HTRA3: variants seen among roughly 807,000 people sequenced by gnomAD.
The protein encoded by HTRA3 is serine protease HTRA3.
A neutral mutation model predicts 43.2 loss-of-function variants in HTRA3; 41 were observed. The observed-to-expected ratio is 0.95, with a 90% CI of 0.74 to 1.23. The LOEUF (loss-of-function observed/expected upper bound fraction) is 1.23. HTRA3 is among the 50% of genes most tolerant of loss of function. The pLI is 0.00. For synonymous variants in HTRA3, 295 were observed against 287.9 expected (o/e 1.02, Z -0.25); for missense variants, 628 against 647.1 (o/e 0.97, Z 0.32).
At position 8,291,406 on chromosome 4, in the gene HTRA3, G is replaced by T; in HGVS notation, c.745G>T (p.Asp249Tyr). ...TGTGTTGTTGCTGGGTCACTCGGCCGACCTGCGGCCTGGGGAGTTTGTGGT... is the reference window on the plus strand; with the variant it reads ...TGTGTTGTTGCTGGGTCACTCGGCCTACCTGCGGCCTGGGGAGTTTGTGGT... ...LPVLLLGHSA[D>Y]LRPGEFVVAI... Residue 249 changes from aspartate (D) to tyrosine (Y), a missense_variant, in exon 4 of 9, where the codon GAC becomes TAC. By Grantham distance (160) the Asp-to-Tyr change is radical. Coordinates refer to ENST00000307358, the MANE Select transcript of HTRA3 (RefSeq NM_053044.5). 6.2e-7 allele frequency: 1 copy of T among 1,613,542 alleles called. No individual in the cohort carries two copies. Among genetic ancestry groups the T allele is most frequent in the Non-Finnish European group, 8.5e-7 (1 of 1,180,016 alleles).
At chr4:8,301,231 TTTATTA>T (rs199779209) in intron 6 of HTRA3, among the ~76,000 whole-genome samples, 11 of 149,260 alleles carry the variant, frequency 7.4e-5, no homozygotes, top group African/African-American at 2.5e-4. Context: ...CACAGACATC[TTTATTA>T]TTGATTCACA....
At chr4:8,304,701 C>A (rs4696804) in intron 8 of HTRA3, among the ~76,000 whole-genome samples, 49,959 of 135,934 alleles carry the variant, frequency 0.37, 9,434 homozygotes, top group East Asian at 0.69. Context: ...TGTTGCCCAG[C>A]CTGGAGTGCA....
At chr4:8,290,965 A>C (rs937905180) in intron 3 of HTRA3, among the ~76,000 whole-genome samples, 2 of 152,246 alleles carry the variant, frequency 1.3e-5, no homozygotes, top group African/African-American at 4.8e-5. Context: ...TCTCTCCATC[A>C]AATGCATCAG....
At chr4:8,305,375 G>C (rs1016904747) in intron 8 of HTRA3, among the ~76,000 whole-genome samples, 2 of 152,266 alleles carry the variant, frequency 1.3e-5, no homozygotes, top group Non-Finnish European at 1.5e-5. Context: ...AGCCAGGGAG[G>C]TGCAGGCTCC....
chr4:8,294,777 T>A (rs1713394804), intron 6 of HTRA3, among the ~76,000 whole-genome samples: 2 of 16,126 alleles, frequency 1.2e-4, no homozygotes, highest in South Asian at 3.5e-3. Flanking sequence ...CACCTATCCA[T>A]CCATCCATCC....
chr4:8,282,970 C>T (rs558308058), intron 2 of HTRA3, among the ~76,000 whole-genome samples: 13 of 152,186 alleles, frequency 8.5e-5, no homozygotes, highest in Non-Finnish European at 1.3e-4. Flanking sequence ...ACCGGGGGCT[C>T]GGGAGGCCTC....
In HTRA3 at chr4:8,273,372, C is replaced by T. The variant is rs1248693821; in HGVS notation, c.385+3019C>T. On this transcript the variant is annotated intron_variant, in intron 1 of 8. Coordinates refer to ENST00000307358, the MANE Select transcript of HTRA3 (RefSeq NM_053044.5). ...CACTTAGTGGTGTGCCAGGCGCTGC[C>T]GGGCATTTCTGGGAGGAAGTCCTGC... 6.6e-5 allele frequency among the ~76,000 whole-genome samples: 10 copies of T among 152,164 alleles called. No homozygotes were observed. The East Asian group carries it at 1.2e-3, about 18-fold the overall frequency.
Position 8,286,663 on chromosome 4 carries a change from C to T in HTRA3, c.588C>T (p.Asn196=). The change falls in exon 3 of 9, where the codon AAC becomes AAT. Residue 196 remains asparagine, a synonymous_variant. Coordinates refer to ENST00000307358, the MANE Select transcript of HTRA3 (RefSeq NM_053044.5). This position sits in a 1 kb window ranked among gnomAD's most constrained non-coding sequence, Gnocchi z 4.9. ...CCAATGCCCACGTGGTGTCCAGCAA[C>T]AGTGCTGCCCCGGGCAGGCAGCAGC... ...IITNAHVVSS[N]SAAPGRQQLK... 1 of 1,614,192 alleles carries T rather than the reference C, an allele frequency of 6.2e-7. No homozygotes were observed. The highest frequency in any genetic ancestry group is 8.5e-7 in the Non-Finnish European group (1 of 1,180,022).
At chr4:8,304,061 C>A in intron 7 of HTRA3, 123 bp from the exon 8 acceptor site, 1 of 678,610 alleles carries the variant, frequency 1.5e-6, no homozygotes, top group Non-Finnish European at 2.6e-6. Context: ...TGGGACAGGG[C>A]AGTATGGGGG....
chr4:8,302,410 G>A (rs13144236), intron 6 of HTRA3, 53 bp from the exon 7 acceptor site: 410,305 of 1,546,472 alleles, frequency 0.27, 56,688 homozygotes, highest in South Asian at 0.4. Context: ...CTGAGGGAGC[G>A]TGGTGGCTTT....
Position 8,282,446 on chromosome 4 carries a change from A to G in HTRA3, c.395A>G (p.Gln132Arg). ...QKGACPLGLHQLSSPRYKFNF... is the reference protein window; with the variant it reads ...QKGACPLGLHRLSSPRYKFNF... ...CTTCCCGCCAGCGCAGGTCTCCACCAGCTGAGCAGCCCGCGCTACAAGTTC... is the reference window on the plus strand; with the variant it reads ...CTTCCCGCCAGCGCAGGTCTCCACCGGCTGAGCAGCCCGCGCTACAAGTTC... Residue 132 changes from glutamine (Q) to arginine (R), a missense_variant, in exon 2 of 9, where the codon CAG (glutamine) becomes CGG (arginine). Coordinates refer to ENST00000307358, the MANE Select transcript of HTRA3 (RefSeq NM_053044.5). The G allele has an allele frequency of 6.2e-7, 1 of 1,613,392 alleles. No homozygotes were observed. The highest frequency in any genetic ancestry group is 1.1e-5 in the South Asian group (1 of 90,954).
intron 3 of HTRA3, among the ~76,000 whole-genome samples, chr4:8,289,501 C>A (rs1713140825): frequency 1.3e-5 from 2 of 152,230 alleles, no homozygotes; most frequent in South Asian, 4.1e-4. Flanking sequence ...GTCTGTCTCC[C>A]CTTCCGGCGG....
Position 8,306,337 on chromosome 4 carries a change from G to A in HTRA3, c.*201G>A, listed in dbSNP as rs754715260. 2.5e-5 allele frequency: 14 copies of A among 559,840 alleles called. No homozygotes were observed. Among genetic ancestry groups the A allele is most frequent in the East Asian group, 6.2e-5 (2 of 32,432 alleles). The allele number at this position is 559,840 out of a possible 1,614,324, so 34.7% of individuals were successfully genotyped here. On this transcript the variant is annotated 3_prime_UTR_variant, in exon 9 of 9. Transcript: ENST00000307358. The surrounding 1 kb of genome is among the most constrained non-coding windows in gnomAD (Gnocchi z 8.9). ...AGTGTTGGATCCACATCCCGGTGCC[G>A]GGGAGGGAAGCCCAACATCCCCTTG...
In HTRA3 at chr4:8,296,098, G is replaced by A. The variant is rs1713444070; in HGVS notation, c.1051+1897G>A. The A allele has an allele frequency of 2.0e-6, 2 of 1,024,312 alleles. No individual in the cohort carries two copies. The highest frequency in any genetic ancestry group is 9.3e-5 in the South Asian group (2 of 21,606). 63.5% of individuals were successfully genotyped at this position (1,024,312 alleles called of 1,614,324 possible). ...ATTCTCCATGGGTGCCTTTGACTTT[G>A]GCCTCCTTACTGGAAATTAGCGGAG... On this transcript the variant is annotated intron_variant, in intron 6 of 8. Transcript: ENST00000307358. This position sits in a 1 kb window ranked among gnomAD's most constrained non-coding sequence, Gnocchi z 5.3.
intron 6 of HTRA3, among the ~76,000 whole-genome samples, chr4:8,301,018 A>T (rs113590339): frequency 6.9e-6 from 1 of 145,934 alleles, no homozygotes; most frequent in East Asian, 2.2e-4. Context: ...ATTGATTCAC[A>T]CTCATCTTTA....
chr4:8,290,548 G>A (rs757829403), intron 3 of HTRA3, among the ~76,000 whole-genome samples: 27 of 152,230 alleles, frequency 1.8e-4, no homozygotes, highest in Non-Finnish European at 3.2e-4. Flanking sequence ...GACATCTTAG[G>A]TAATGGGTGC....
intron 1 of HTRA3, among the ~76,000 whole-genome samples, chr4:8,275,047 G>A (rs1432021141): frequency 6.6e-6 from 1 of 152,124 alleles, no homozygotes; most frequent in East Asian, 1.9e-4. Context: ...GCCCACTCCC[G>A]CTGGGGCTGC....
At position 8,286,661 on chromosome 4, in the gene HTRA3, A is replaced by G. The variant is rs889428258; in HGVS notation, c.586A>G (p.Asn196Asp). ...CACCAATGCCCACGTGGTGTCCAGCAACAGTGCTGCCCCGGGCAGGCAGCA... is the reference window on the plus strand; with the variant it reads ...CACCAATGCCCACGTGGTGTCCAGCGACAGTGCTGCCCCGGGCAGGCAGCA... ...IITNAHVVSS[N>D]SAAPGRQQLK... Residue 196 changes from asparagine to aspartate, a missense_variant, in exon 3 of 9, where the codon AAC (asparagine) becomes GAC (aspartate). Transcript: ENST00000307358. This position sits in a 1 kb window ranked among gnomAD's most constrained non-coding sequence, Gnocchi z 4.9. The G allele has an allele frequency of 3.7e-6, 6 of 1,614,088 alleles. No individual in the cohort carries two copies. In the African/African-American group the frequency reaches 8.0e-5, roughly 22 times the overall value.
chr4:8,299,702 T>G (rs1713572322), intron 6 of HTRA3, among the ~76,000 whole-genome samples: 1 of 152,208 alleles, frequency 6.6e-6, no homozygotes, highest in African/African-American at 2.4e-5. Flanking sequence ...AGGCTTTTTG[T>G]GCATCTCTGG....
Sources: allele counts gnomAD v4.1 joint callset (sites outside exome capture counted in the v4.1 genomes callset), GRCh38; gene constraint gnomAD v4.1.1; non-coding constraint Gnocchi (gnomAD v3.1); transcripts MANE v1.5; gene names NCBI Gene and HGNC (gene_info 2026-07-23, HGNC 2026-07-21).